Variants in TSTD2 observed in about 807,000 individuals in gnomAD.
The protein encoded by TSTD2 is thiosulfate sulfurtransferase like domain containing 2.
In TSTD2, 37 loss-of-function variants were observed where a neutral mutation model predicts 47.9. The observed-to-expected ratio is 0.77, with a 90% CI of 0.59 to 1.02. TSTD2 has a LOEUF of 1.02. TSTD2 is among the 50% of genes least tolerant of loss of function. The pLI, the probability that TSTD2 is intolerant of heterozygous loss-of-function variation, is 0.00. For missense variants in TSTD2, 586 were observed against 616.0 expected (o/e 0.95, Z 0.52); for synonymous variants, 201 against 215.9 (o/e 0.93, Z 0.61).
In TSTD2 at chr9:97,602,770, G is replaced by T. The variant is rs765100380; in HGVS notation, c.1253-3C>A. 8.1e-6 allele frequency: 13 copies of T among 1,597,374 alleles called. No individual in the cohort carries two copies. The South Asian group carries it at 1.3e-4, about 16-fold the overall frequency. ...GCGGGCTCCACAGTATGAACACTCT[G>T]GGGAGGAAGGAAAAGCCATCATTAT... On this transcript the variant is annotated splice_region_variant and splice_polypyrimidine_tract_variant and intron_variant, in intron 9 of 9. Coordinates refer to ENST00000341170, the MANE Select transcript of TSTD2 (RefSeq NM_139246.5).
chr9:97,605,966 ACTCT>A (rs1826358854), intron 7 of TSTD2, among the ~76,000 whole-genome samples, 173 bp downstream of exon 7: 1 of 151,820 alleles, frequency 6.6e-6, no homozygotes, highest in Non-Finnish European at 1.5e-5. Context: ...ATTTTCTTAG[ACTCT>A]CTCACCAGAT....
In TSTD2 at chr9:97,611,851, T is replaced by C. The variant is rs1421654655; in HGVS notation, c.604-152A>G. 10 of 772,888 alleles carry C rather than the reference T, an allele frequency of 1.3e-5. No homozygotes were observed. The Admixed American group carries it at 1.8e-4, about 14-fold the overall frequency. 47.9% of individuals were successfully genotyped at this position (772,888 alleles called of 1,614,324 possible). ...CAAAGTGTTACTGGACAAAGATATC[T>C]GTGTTTTTCTTTTTTATTTTAAACT... On this transcript the variant is annotated intron_variant, in intron 4 of 9. Transcript: ENST00000341170.
intron 3 of TSTD2, 63 bp from the exon 4 acceptor site, chr9:97,617,940 A>C: frequency 1.3e-6 from 2 of 1,572,464 alleles, no homozygotes; most frequent in Non-Finnish European, 1.7e-6. Flanking sequence ...GTCACAATTC[A>C]TAAAATACAC....
chr9:97,618,208 T>C (rs1791195999), intron 3 of TSTD2, among the ~76,000 whole-genome samples: 1 of 152,246 alleles, frequency 6.6e-6, no homozygotes, highest in African/African-American at 2.4e-5. Context: ...TCCTCTCACA[T>C]AAAGCAGTAT....
chr9:97,633,074 C>T (rs929143788), intron 1 of TSTD2, among the ~76,000 whole-genome samples, 169 bp downstream of exon 1: 1 of 152,270 alleles, frequency 6.6e-6, no homozygotes, highest in African/African-American at 2.4e-5. Context: ...AGCCGGCAAG[C>T]CCGGAGCCGC....
In TSTD2 at chr9:97,601,493, A is replaced by C. The variant is rs140837838; in HGVS notation, c.*976T>G. On this transcript the variant is annotated 3_prime_UTR_variant, in exon 10 of 10. Transcript: ENST00000341170. ...GGGGAAAGCAGAGCTATCAGAGGAA[A>C]TCTCTCATAGAAACGAAACCAAACC... The C allele has an allele frequency of 5.0e-6, 5 of 991,282 alleles. No individual in the cohort carries two copies. The African/African-American group carries it at 8.7e-5, about 17-fold the overall frequency. The allele number at this position is 991,282 out of a possible 1,614,324, so 61.4% of individuals were successfully genotyped here.
intron 4 of TSTD2, among the ~76,000 whole-genome samples, chr9:97,612,337 T>C (rs536260175): frequency 6.6e-6 from 1 of 152,338 alleles, no homozygotes; most frequent in South Asian, 2.1e-4. Context: ...AACAGAACAA[T>C]TTATATTCTT....
intron 1 of TSTD2, 144 bp from the exon 2 acceptor site, chr9:97,627,756 T>C (rs1198998659): frequency 9.7e-6 from 5 of 516,796 alleles, no homozygotes; most frequent in East Asian, 3.0e-5. Flanking sequence ...AGTATTTACT[T>C]AGGAACGACT....
chr9:97,630,788 A>C (rs1258351593), intron 1 of TSTD2, among the ~76,000 whole-genome samples: 1 of 152,246 alleles, frequency 6.6e-6, no homozygotes, highest in East Asian at 1.9e-4. Context: ...TTCTGTAAAT[A>C]TTTGAAAATT....
rs144362839 is a variant in TSTD2 at position 97,600,390 on chromosome 9, T to C, written c.*2079A>G. The C allele has an allele frequency of 2.4e-4, 233 of 985,926 alleles. 1 individual carries two copies. In the African/African-American group the frequency reaches 3.7e-3, roughly 16 times the overall value. The allele number at this position is 985,926 out of a possible 1,614,324, so 61.1% of individuals were successfully genotyped here. ...CATTACCAATCCCAGGCAACAAACA[T>C]GTCCCTGAGTGTTCTTTAAGAACAT... On this transcript the variant is annotated 3_prime_UTR_variant, in exon 10 of 10. Coordinates refer to ENST00000341170, the MANE Select transcript of TSTD2 (RefSeq NM_139246.5).
At chr9:97,630,949 T>A (rs1444751398) in intron 1 of TSTD2, among the ~76,000 whole-genome samples, 2 of 152,246 alleles carry the variant, frequency 1.3e-5, no homozygotes, top group Non-Finnish European at 1.5e-5. Context: ...ACACTGTGTG[T>A]GAAGCCAGCT....
Position 97,625,757 on chromosome 9 carries a change from CT to C in TSTD2, c.405del (p.Glu136SerfsTer16). 1 of 1,614,136 alleles carries C rather than the reference CT, an allele frequency of 6.2e-7. No individual in the cohort carries two copies. The highest frequency in any genetic ancestry group is 8.5e-7 in the Non-Finnish European group (1 of 1,179,988). ...LSSADEKNPLKECLPHSHDVS... is the reference protein window; with the variant it reads ...LSSADEKNPLXECLPHSHDVS... ...ACGTCATGGCTATGTGGAAGGCACTCTTTTAAAGGGTTCTTTTCATCTGCAG... is the reference window on the plus strand; with the variant it reads ...ACGTCATGGCTATGTGGAAGGCACTCTTTAAAGGGTTCTTTTCATCTGCAG... On this transcript the variant is annotated frameshift_variant, in exon 3 of 10. Coordinates refer to ENST00000341170, the MANE Select transcript of TSTD2 (RefSeq NM_139246.5). LOFTEE classifies it high-confidence loss of function.
At chr9:97,628,859 G>C (rs80050726) in intron 1 of TSTD2, among the ~76,000 whole-genome samples, 1 of 152,158 alleles carries the variant, frequency 6.6e-6, no homozygotes, top group Non-Finnish European at 1.5e-5. Flanking sequence ...CAGAGAACCA[G>C]GTGGAGAGGA....
chr9:97,631,291 A>ATT (rs748743286), intron 1 of TSTD2, among the ~76,000 whole-genome samples: 2 of 144,866 alleles, frequency 1.4e-5, no homozygotes, highest in Non-Finnish European at 3.1e-5. Context: ...TAATTTTTGT[A>ATT]TTTTTTTTTT....
intron 6 of TSTD2, among the ~76,000 whole-genome samples, chr9:97,607,810 AGGAGAACTACACAAAACTG>A (rs1166551372): frequency 6.6e-6 from 1 of 152,162 alleles, no homozygotes; most frequent in African/African-American, 2.4e-5. Context: ...AGGCTGAGGC[AGGAGAACTACACAAAACTG>A]GGAGGCAGAG....
intron 3 of TSTD2, among the ~76,000 whole-genome samples, chr9:97,619,833 TG>T (rs1017845697): frequency 3.3e-5 from 5 of 152,198 alleles, no homozygotes; most frequent in Admixed American, 3.3e-4. Context: ...CCCTAATCCT[TG>T]GATTCCTGAC....
At chr9:97,630,765 A>G (rs1049727162) in intron 1 of TSTD2, among the ~76,000 whole-genome samples, 17 of 152,212 alleles carry the variant, frequency 1.1e-4, no homozygotes, top group African/African-American at 3.1e-4. Flanking sequence ...GTTTCATCAT[A>G]AATTTTCCCT....
At chr9:97,620,825 A>G (rs1826623089) in intron 3 of TSTD2, among the ~76,000 whole-genome samples, 3 of 152,240 alleles carry the variant, frequency 2.0e-5, no homozygotes, top group Non-Finnish European at 2.9e-5. Context: ...GGTGCTGTTA[A>G]AGGCATTCAG....
intron 8 of TSTD2, 73 bp from the exon 9 acceptor site, chr9:97,604,938 G>T: frequency 6.3e-7 from 1 of 1,577,532 alleles, no homozygotes; most frequent in South Asian, 1.2e-5. Flanking sequence ...GAAGAACGGC[G>T]CATGGCGAGG....
Sources: gnomAD v4.1 joint callset for allele counts (sites outside exome capture counted in the v4.1 genomes callset) on GRCh38, gnomAD v4.1.1 for gene constraint, MANE v1.5 for transcripts, NCBI Gene and HGNC (gene_info 2026-07-23, HGNC 2026-07-21) for gene names.